PKD1L1: variants seen among roughly 807,000 people sequenced by gnomAD.
The protein encoded by PKD1L1 is polycystin 1 like 1, transient receptor potential channel interacting, also known as polycystin-1-like protein 1.
A neutral mutation model predicts 323.4 loss-of-function variants in PKD1L1; 236 were observed. The observed-to-expected ratio is 0.73, with a 90% confidence interval of 0.66 to 0.81. The LOEUF (loss-of-function observed/expected upper bound fraction) is 0.81. Ranked by LOEUF, PKD1L1 falls within the 40% of genes least tolerant of loss-of-function variation. PKD1L1 has a pLI of 0.00. For missense variants in PKD1L1, 3,320 were observed against 3,508.0 expected (o/e 0.95, Z 1.35); for synonymous variants, 1,344 against 1,335.0 (o/e 1.01, Z -0.15).
chr7:47,943,178 ATATATATATATATATATATG>A (rs1788031605), intron 2 of PKD1L1, among the ~76,000 whole-genome samples, 198 bp downstream of exon 2: 2 of 98,196 alleles, frequency 2.0e-5, no homozygotes, highest in Non-Finnish European at 3.8e-5. Context: ...ATATATATAT[ATATATATATATATATATATG>A]TGTGTGTACC....
chr7:47,844,932 A>G, intron 33 of PKD1L1, 63 bp downstream of exon 33: 1 of 1,395,882 alleles, frequency 7.2e-7, no homozygotes, highest in Non-Finnish European at 1.0e-6. Context: ...ATATGTGGGC[A>G]TCCTGAGTGA....
chr7:47,785,187 T>C (rs1433667261), intron 56 of PKD1L1, among the ~76,000 whole-genome samples: 2 of 152,218 alleles, frequency 1.3e-5, no homozygotes, highest in African/African-American at 4.8e-5. Context: ...ACTTGATGTT[T>C]GCATCCTTAC....
At position 47,877,484 on chromosome 7, in the gene PKD1L1, C is replaced by T. The variant is rs756023792; in HGVS notation, c.3663+5G>A. The T allele has an allele frequency of 2.2e-5, 35 of 1,613,292 alleles. No homozygotes were observed. Among genetic ancestry groups the T allele is most frequent in the African/African-American group, 1.9e-4 (14 of 74,852 alleles). On this transcript the variant is annotated splice_donor_5th_base_variant and intron_variant, in intron 22 of 56. Coordinates refer to ENST00000289672, the MANE Select transcript of PKD1L1 (RefSeq NM_138295.5). ...CTCAGGACAGACATGGGGTTGTCCA[C>T]GTACCGGTTTTCCAGACATGCAGAA... is the stretch of plus-strand genomic sequence containing the variant.
At chr7:47,853,592 A>G (rs938087360) in intron 30 of PKD1L1, among the ~76,000 whole-genome samples, 4 of 151,932 alleles carry the variant, frequency 2.6e-5, no homozygotes, top group Non-Finnish European at 5.9e-5. Flanking sequence ...AAAAATACAA[A>G]ATCAGCTGGG....
chr7:47,894,129 A>G, intron 14 of PKD1L1, 70 bp from the exon 15 acceptor site: 1 of 1,399,924 alleles, frequency 7.1e-7, no homozygotes, highest in Non-Finnish European at 9.6e-7. Flanking sequence ...GAAACACACT[A>G]GTCTGAAAAT....
intron 52 of PKD1L1, among the ~76,000 whole-genome samples, chr7:47,805,019 T>G (rs541037007): frequency 3.9e-5 from 6 of 152,176 alleles, no homozygotes; most frequent in African/African-American, 1.4e-4. Flanking sequence ...TATTATGACT[T>G]TCATTTATGG....
At chr7:47,800,208 A>G (rs1009586436) in intron 54 of PKD1L1, among the ~76,000 whole-genome samples, 18 of 152,340 alleles carry the variant, frequency 1.2e-4, no homozygotes, top group Middle Eastern at 3.4e-3. Context: ...GGCGTGAAAC[A>G]GGGAGCCATT....
intron 53 of PKD1L1, 49 bp from the exon 54 acceptor site, chr7:47,800,928 G>A (rs777674777): frequency 1.6e-5 from 24 of 1,509,680 alleles, no homozygotes; most frequent in Non-Finnish European, 2.2e-5. Context: ...CTCTTCTTAG[G>A]AGTGGAAGAC....
At position 47,774,758 on chromosome 7, in the gene PKD1L1, T is replaced by C. The variant is rs1786530987; in HGVS notation, c.*385A>G. On this transcript the variant is annotated 3_prime_UTR_variant, in exon 57 of 57. Coordinates refer to ENST00000289672, the MANE Select transcript of PKD1L1 (RefSeq NM_138295.5). ...AATATTAGAATGTTATCCTGGTCTC[T>C]TTCATCGCTTTTATGAGACCTGAAA... is the stretch of plus-strand genomic sequence containing the variant. 6.0e-6 allele frequency: 1 copy of C among 166,638 alleles called. No homozygotes were observed. The highest frequency in any genetic ancestry group is 6.4e-5 in the Admixed American group (1 of 15,710). 10.3% of individuals were successfully genotyped at this position (166,638 alleles called of 1,614,324 possible). A position where few individuals can be genotyped will look rare whatever the true frequency, so the allele number is the denominator to read the frequency against.
In PKD1L1 at chr7:47,867,468, G is replaced by A. The variant is rs530224813; in HGVS notation, c.3897-854C>T. On this transcript the variant is annotated intron_variant, in intron 24 of 56. Coordinates refer to ENST00000289672, the MANE Select transcript of PKD1L1 (RefSeq NM_138295.5). Reference sequence around the variant, plus strand: ...AACAAAAACAACGACAACAAGCCAGGAAAAGGAGGTAGGCCAATACCCAGA... The same window carrying A: ...AACAAAAACAACGACAACAAGCCAGAAAAAGGAGGTAGGCCAATACCCAGA... 3.9e-5 allele frequency among the ~76,000 whole-genome samples: 6 copies of A among 152,296 alleles called. No individual in the cohort carries two copies. In the South Asian group the frequency reaches 1.2e-3, roughly 32 times the overall value.
chr7:47,890,502 C>T (rs1786786976), intron 16 of PKD1L1, 40 bp downstream of exon 16: 2 of 1,593,728 alleles, frequency 1.3e-6, no homozygotes, highest in East Asian at 2.2e-5. Context: ...TGGGAACAAA[C>T]ACCGGTGAGC....
intron 4 of PKD1L1, among the ~76,000 whole-genome samples, chr7:47,933,688 T>C (rs1465982387): frequency 6.6e-6 from 1 of 152,138 alleles, no homozygotes; most frequent in Admixed American, 6.6e-5. Context: ...AGCCTCCATT[T>C]CTTTTCATAG....
chr7:47,834,878 G>T, intron 39 of PKD1L1, 89 bp downstream of exon 39: 1 of 1,119,498 alleles, frequency 8.9e-7, no homozygotes, highest in Non-Finnish European at 1.3e-6. Flanking sequence ...AATGCAAATT[G>T]AAAACAGAAG....
At chr7:47,778,697 A>G (rs1786624785) in intron 56 of PKD1L1, among the ~76,000 whole-genome samples, 1 of 152,226 alleles carries the variant, frequency 6.6e-6, no homozygotes, top group South Asian at 2.1e-4. Context: ...TTATGATTTT[A>G]AAAGTCATCC....
chr7:47,895,844 A>C (rs1473203276), intron 14 of PKD1L1, among the ~76,000 whole-genome samples: 4 of 152,178 alleles, frequency 2.6e-5, no homozygotes, highest in Non-Finnish European at 4.4e-5. Flanking sequence ...GGGGTTAATT[A>C]GTTGATGTTT....
At chr7:47,796,254 T>A (rs1784526381) in intron 54 of PKD1L1, 104 bp from the exon 55 acceptor site, 1 of 1,090,288 alleles carries the variant, frequency 9.2e-7, no homozygotes, top group African/African-American at 1.6e-5. Flanking sequence ...CTGATGATGC[T>A]ACTTTACGAG....
At chr7:47,860,881 G>A (rs571187840) in intron 26 of PKD1L1, among the ~76,000 whole-genome samples, 6 of 152,242 alleles carry the variant, frequency 3.9e-5, no homozygotes, top group East Asian at 1.9e-4. Context: ...TAGGGTCATC[G>A]ATGGGAAGTA....
At chr7:47,792,045 G>A (rs1014506820) in intron 56 of PKD1L1, among the ~76,000 whole-genome samples, 2 of 152,136 alleles carry the variant, frequency 1.3e-5, no homozygotes, top group Non-Finnish European at 2.9e-5. Flanking sequence ...CTACAAAGAC[G>A]GCTTCCTGCA....
chr7:47,898,845 A>G, intron 13 of PKD1L1, among the ~76,000 whole-genome samples: 1 of 152,076 alleles, frequency 6.6e-6, no homozygotes, highest in Non-Finnish European at 1.5e-5. Context: ...TATTGTCTCC[A>G]AAACATACCC....
Sources: allele counts gnomAD v4.1 joint callset (sites outside exome capture counted in the v4.1 genomes callset), GRCh38; gene constraint gnomAD v4.1.1; transcripts MANE v1.5; gene names NCBI Gene and HGNC (gene_info 2026-07-23, HGNC 2026-07-21).